ATP11B: variants seen among roughly 807,000 people sequenced by gnomAD.
ATP11B encodes phospholipid-transporting ATPase IF.
ATP11B carries 81 observed loss-of-function variants against 157.8 expected under a neutral mutation model. The observed-to-expected ratio is 0.51, with a 90% CI of 0.43 to 0.62. The LOEUF is 0.62. Ranked by LOEUF, ATP11B falls within the 20% of genes least tolerant of loss-of-function variation. The pLI is 0.00. For synonymous variants in ATP11B, 451 were observed against 469.4 expected (o/e 0.96, Z 0.51); for missense variants, 1,165 against 1,402.2 (o/e 0.83, Z 2.70).
chr3:182,910,155 A>T (rs1298218782), intron 28 of ATP11B, among the ~76,000 whole-genome samples: 1 of 151,490 alleles, frequency 6.6e-6, no homozygotes, highest in African/African-American at 2.4e-5. Flanking sequence ...CAAACTATAT[A>T]TTCACATATA....
intron 1 of ATP11B, among the ~76,000 whole-genome samples, chr3:182,799,871 T>G (rs560526039): frequency 6.6e-6 from 1 of 152,132 alleles, no homozygotes; most frequent in Non-Finnish European, 1.5e-5. Flanking sequence ...CTCGGCACTT[T>G]GGGAGACACA....
At chr3:182,846,465 C>T (rs886853480) in intron 9 of ATP11B, among the ~76,000 whole-genome samples, 4 of 152,182 alleles carry the variant, frequency 2.6e-5, no homozygotes, top group Non-Finnish European at 5.9e-5. Context: ...AATGATCCCA[C>T]ACTACATATA....
At chr3:182,813,180 G>A (rs1292601905) in intron 1 of ATP11B, among the ~76,000 whole-genome samples, 1 of 152,072 alleles carries the variant, frequency 6.6e-6, no homozygotes, top group Non-Finnish European at 1.5e-5. Flanking sequence ...TTTGGACATG[G>A]GTGTAGAAAT....
rs1158266200 is a variant in ATP11B, at chr3:182,920,259, T to C, written c.*2155T>C. ...ATTTGAAGTTAGTTAAGGAGAACTTTATTTTTTTAAAAAAAGTAAATGGCA... is the reference window on the plus strand; with the variant it reads ...ATTTGAAGTTAGTTAAGGAGAACTTCATTTTTTTAAAAAAAGTAAATGGCA... On this transcript the variant is annotated 3_prime_UTR_variant, in exon 30 of 30. Transcript: ENST00000323116. 1.3e-5 allele frequency: 2 copies of C among 152,360 alleles called. No individual in the cohort carries two copies. Among genetic ancestry groups the C allele is most frequent in the East Asian group, 3.9e-4 (2 of 5,194 alleles). 9.4% of individuals were successfully genotyped at this position (152,360 alleles called of 1,614,324 possible).
intron 22 of ATP11B, among the ~76,000 whole-genome samples, chr3:182,885,720 G>A (rs1722752253): frequency 1.3e-5 from 2 of 152,032 alleles, no homozygotes; most frequent in South Asian, 4.1e-4. Flanking sequence ...AGTGAGAGGA[G>A]TCAAGGGTTT....
At chr3:182,850,748 AAAAG>A (rs1384279043) in intron 10 of ATP11B, among the ~76,000 whole-genome samples, 1 of 152,200 alleles carries the variant, frequency 6.6e-6, no homozygotes, top group Non-Finnish European at 1.5e-5. Flanking sequence ...TATCCAAAGA[AAAAG>A]AAATCAGTAT....
intron 29 of ATP11B, chr3:182,914,686 C>T (rs1355157907): frequency 7.1e-6 from 7 of 985,230 alleles, no homozygotes; most frequent in Non-Finnish European, 7.2e-6. Context: ...AGATTTATCA[C>T]CATGCCTGCT....
At chr3:182,857,077 A>T (rs1465787800) in intron 10 of ATP11B, among the ~76,000 whole-genome samples, 1 of 152,210 alleles carries the variant, frequency 6.6e-6, no homozygotes, top group African/African-American at 2.4e-5. Context: ...TATTTACAGA[A>T]TTATTTTTGG....
At chr3:182,831,117 C>T (rs543669517) in intron 4 of ATP11B, among the ~76,000 whole-genome samples, 2 of 152,288 alleles carry the variant, frequency 1.3e-5, no homozygotes, top group African/African-American at 4.8e-5. Flanking sequence ...ACATGTACAA[C>T]TGTTTGTACA....
intron 28 of ATP11B, among the ~76,000 whole-genome samples, chr3:182,908,196 C>CTTTTTT (rs10716562): frequency 1.3e-3 from 93 of 70,698 alleles, no homozygotes; most frequent in Non-Finnish European, 1.5e-3. Context: ...TTATTATTTT[C>CTTTTTT]TTTTTTTTTT....
chr3:182,913,820 T>C (rs771598093), intron 28 of ATP11B, 41 bp from the exon 29 acceptor site: 2 of 1,613,802 alleles, frequency 1.2e-6, no homozygotes, highest in East Asian at 2.2e-5. Flanking sequence ...CAGAAGTCCA[T>C]ATCTTTAAAC....
intron 25 of ATP11B, 29 bp downstream of exon 25, chr3:182,889,577 C>T (rs757903335): frequency 2.7e-6 from 4 of 1,495,898 alleles, no homozygotes; most frequent in Non-Finnish European, 3.6e-6. Context: ...TTAAAGAATG[C>T]TTGTTAATAT....
chr3:182,919,969 TATACTC>T lies in ATP11B; in HGVS notation c.*1867_*1872del, dbSNP rs1210414230. The T allele has an allele frequency of 6.6e-6, 1 of 152,230 alleles. No individual in the cohort carries two copies. Among genetic ancestry groups the T allele is most frequent in the African/African-American group, 2.4e-5 (1 of 41,462 alleles). 9.4% of individuals were successfully genotyped at this position (152,230 alleles called of 1,614,324 possible). Reference sequence around the variant, plus strand: ...GTTCCAGAAGAGGAAATAATGAAGATATACTCAGTAGAGTACTAGGTGGGAGGATAT... The same window carrying T: ...GTTCCAGAAGAGGAAATAATGAAGATAGTAGAGTACTAGGTGGGAGGATAT... On this transcript the variant is annotated 3_prime_UTR_variant, in exon 30 of 30. Coordinates refer to ENST00000323116, the MANE Select transcript of ATP11B (RefSeq NM_014616.3).
At chr3:182,863,538 G>A (rs607266) in intron 12 of ATP11B, among the ~76,000 whole-genome samples, 108,022 of 151,796 alleles carry the variant, frequency 0.71, 38,892 homozygotes, top group Non-Finnish European at 0.77. Context: ...AGTATTTAAT[G>A]TATGTTTACT....
intron 1 of ATP11B, among the ~76,000 whole-genome samples, chr3:182,797,939 G>A (rs1715735598): frequency 6.6e-6 from 1 of 151,942 alleles, no homozygotes; most frequent in African/African-American, 2.4e-5. Context: ...GTGAATTCCT[G>A]TATCCTGGTA....
intron 15 of ATP11B, among the ~76,000 whole-genome samples, chr3:182,868,568 GCA>G (rs1049968981): frequency 6.6e-6 from 1 of 151,748 alleles, no homozygotes; most frequent in African/African-American, 2.4e-5. Flanking sequence ...ATGGACCCCC[GCA>G]CACACACACC....
At chr3:182,910,861 T>C (rs1296145538) in intron 28 of ATP11B, among the ~76,000 whole-genome samples, 1 of 152,224 alleles carries the variant, frequency 6.6e-6, no homozygotes, top group Non-Finnish European at 1.5e-5. Flanking sequence ...TCTTGTTTTG[T>C]TTTAATTTCC....
chr3:182,879,550 A>G lies in ATP11B; in HGVS notation c.2307A>G (p.Leu769=), dbSNP rs145341892. The G allele has an allele frequency of 1.7e-5, 28 of 1,613,996 alleles. No homozygotes were observed. The highest frequency in any genetic ancestry group is 1.2e-4 in the African/African-American group (9 of 74,948). ...GGCTGGTAGTGGATGGGACCAGCCT[A>G]TCTCTTGCACTCAGGGAGCATGAAA... ...QHGLVVDGTS[L]SLALREHEKL... is the part of the protein sequence containing the mutation. The change falls in exon 20 of 30, where the codon CTA becomes CTG. Residue 769 remains leucine, a synonymous_variant. Coordinates refer to ENST00000323116, the MANE Select transcript of ATP11B (RefSeq NM_014616.3).
Position 182,917,611 on chromosome 3 carries a change from A to G in ATP11B, c.3453-412A>G, listed in dbSNP as rs1039412075. On this transcript the variant is annotated intron_variant, in intron 29 of 29. Coordinates refer to ENST00000323116, the MANE Select transcript of ATP11B (RefSeq NM_014616.3). ...AAATGAAATGATCAATAATAGGAAC[A>G]TACTACTGTTTCATTCCAAAGCCTT... 3.5e-5 allele frequency: 34 copies of G among 985,250 alleles called. 1 individual carries two copies. The highest frequency in any genetic ancestry group is 4.8e-6 in the Non-Finnish European group (4 of 829,894). The allele number at this position is 985,250 out of a possible 1,614,324, so 61.0% of individuals were successfully genotyped here. A position where few individuals can be genotyped will look rare whatever the true frequency, so the allele number is the denominator to read the frequency against.
Sources: allele counts gnomAD v4.1 joint callset (sites outside exome capture counted in the v4.1 genomes callset), GRCh38; gene constraint gnomAD v4.1.1; transcripts MANE v1.5; gene names NCBI Gene and HGNC (gene_info 2026-07-23, HGNC 2026-07-21).